WWOX: variants seen among roughly 807,000 people sequenced by gnomAD.
WWOX encodes WW domain containing oxidoreductase.
A neutral mutation model predicts 46.2 loss-of-function variants in WWOX; 69 were observed. The ratio of observed to expected loss-of-function variants is 1.49; its 90% confidence interval spans 1.23 to 1.82. The LOEUF is 1.82. Ranked by LOEUF, WWOX falls within the 40% of genes most tolerant of loss-of-function variation. The pLI, the probability that WWOX is intolerant of heterozygous loss-of-function variation, is 0.00. For synonymous variants in WWOX, 359 were observed against 202.6 expected (o/e 1.77, Z -6.56); for missense variants, 919 against 542.6 (o/e 1.69, Z -6.89).
chr16:78,439,715 G>C (rs973151674), intron 8 of WWOX, among the ~76,000 whole-genome samples: 1 of 152,234 alleles, frequency 6.6e-6, no homozygotes, highest in East Asian at 1.9e-4. Flanking sequence ...CCCACTTAAA[G>C]GTGGCTGAAA....
At chr16:78,677,126 C>G (rs2047620258) in intron 8 of WWOX, among the ~76,000 whole-genome samples, 2 of 151,812 alleles carry the variant, frequency 1.3e-5, no homozygotes, top group African/African-American at 4.8e-5. Context: ...TGCATCTACA[C>G]ATAAGGACAC....
chr16:79,140,082 T>A (rs570642175), intron 8 of WWOX, among the ~76,000 whole-genome samples: 6 of 152,352 alleles, frequency 3.9e-5, no homozygotes, highest in African/African-American at 1.4e-4. Flanking sequence ...AGTGCCCCCA[T>A]GGTCTCAATG....
intron 8 of WWOX, among the ~76,000 whole-genome samples, chr16:78,536,366 G>C (rs1039592295): frequency 6.6e-6 from 1 of 151,866 alleles, no homozygotes; most frequent in African/African-American, 2.4e-5. Context: ...TGAGAAAGAA[G>C]CTGCGAGCTG....
chr16:78,884,229 G>A (rs1458298150), intron 8 of WWOX, among the ~76,000 whole-genome samples: 1 of 140,798 alleles, frequency 7.1e-6, no homozygotes, highest in African/African-American at 2.7e-5. Context: ...GCTGTGATTA[G>A]GTCCCTGCAC....
chr16:78,384,222 A>G (rs2082014583), intron 5 of WWOX, among the ~76,000 whole-genome samples: 1 of 152,142 alleles, frequency 6.6e-6, no homozygotes, highest in Non-Finnish European at 1.5e-5. Flanking sequence ...AGCATAATGA[A>G]TGGCTGCCTT....
At chr16:78,738,629 C>T (rs183103327) in intron 8 of WWOX, among the ~76,000 whole-genome samples, 14 of 152,240 alleles carry the variant, frequency 9.2e-5, no homozygotes, top group Middle Eastern at 6.8e-3. Flanking sequence ...ATTTTTGTTA[C>T]GCTTGTGGTT....
At chr16:78,255,888 A>T (rs550879225) in intron 5 of WWOX, among the ~76,000 whole-genome samples, 1 of 152,294 alleles carries the variant, frequency 6.6e-6, no homozygotes, top group East Asian at 1.9e-4. Context: ...TCGCGCCTGT[A>T]ATCTCATAAT....
intron 5 of WWOX, among the ~76,000 whole-genome samples, chr16:78,362,149 G>T (rs9926218): frequency 0.22 from 32,868 of 151,538 alleles, 5,066 homozygotes; most frequent in African/African-American, 0.44. Context: ...GTGAGAACTT[G>T]ATTTTGAACA....
chr16:78,276,280 G>C (rs1968179038), intron 5 of WWOX, among the ~76,000 whole-genome samples: 1 of 152,190 alleles, frequency 6.6e-6, no homozygotes, highest in Non-Finnish European at 1.5e-5. Flanking sequence ...TTCCCTGTTT[G>C]TCAAATGGGG....
At chr16:78,571,954 G>A (rs1597286208) in intron 8 of WWOX, among the ~76,000 whole-genome samples, 1 of 152,196 alleles carries the variant, frequency 6.6e-6, no homozygotes, top group East Asian at 1.9e-4. Flanking sequence ...GTCATAACAA[G>A]CACTGGAAGG....
At chr16:78,620,253 G>A (rs568565696) in intron 8 of WWOX, among the ~76,000 whole-genome samples, 5 of 152,266 alleles carry the variant, frequency 3.3e-5, no homozygotes, top group South Asian at 4.1e-4. Context: ...CTGTTAGGAG[G>A]GCTGTTTGTT....
At chr16:78,866,915 T>A (rs1315797715) in intron 8 of WWOX, among the ~76,000 whole-genome samples, 2 of 152,190 alleles carry the variant, frequency 1.3e-5, no homozygotes, top group Non-Finnish European at 2.9e-5. Flanking sequence ...AACTCTTTCT[T>A]TGGTCTGAAG....
Position 79,049,349 on chromosome 16 carries a change from CAG to C in WWOX, c.1057-162258_1057-162257del, listed in dbSNP as rs551719546. 4.7e-3 allele frequency among the ~76,000 whole-genome samples: 721 copies of C among 152,304 alleles called. 1 individual carries two copies. Among genetic ancestry groups the C allele is most frequent in the South Asian group, 0.014 (68 of 4,828 alleles). On this transcript the variant is annotated intron_variant, in intron 8 of 8. Transcript: ENST00000566780. ...CCGCTCTTTCACACTGGGGCAAACA[CAG>C]GGGATTTATTCGGCACAATTGAGTA...
chr16:78,875,599 C>T (rs1268608677), intron 8 of WWOX, among the ~76,000 whole-genome samples: 1 of 152,140 alleles, frequency 6.6e-6, no homozygotes, highest in Non-Finnish European at 1.5e-5. Flanking sequence ...TCCCTTATCT[C>T]AAGGTGAGTA....
intron 5 of WWOX, among the ~76,000 whole-genome samples, chr16:78,262,097 C>CAAAAAAAAAA (rs752161345): frequency 3.4e-4 from 21 of 62,570 alleles, no homozygotes; most frequent in East Asian, 1.9e-3. Flanking sequence ...GAAACTCTGT[C>CAAAAAAAAAA]AAAAAAAAAA....
At chr16:78,769,811 A>T (rs2050019901) in intron 8 of WWOX, among the ~76,000 whole-genome samples, 1 of 151,420 alleles carries the variant, frequency 6.6e-6, no homozygotes, top group South Asian at 2.1e-4. Context: ...GTTCGAGATC[A>T]GTGTGGACAA....
chr16:79,049,597 G>C (rs911058718), intron 8 of WWOX, among the ~76,000 whole-genome samples: 11 of 152,144 alleles, frequency 7.2e-5, no homozygotes, highest in African/African-American at 2.7e-4. Flanking sequence ...CAGCACTTTG[G>C]GAGGCCGAGG....
intron 8 of WWOX, among the ~76,000 whole-genome samples, chr16:78,563,506 C>T (rs1456845424): frequency 7.1e-6 from 1 of 141,072 alleles, no homozygotes; most frequent in African/African-American, 2.8e-5. Context: ...CACACACACA[C>T]ACACACACAC....
intron 8 of WWOX, among the ~76,000 whole-genome samples, chr16:78,618,009 A>G (rs1482707663): frequency 1.3e-5 from 2 of 152,168 alleles, no homozygotes; most frequent in African/African-American, 4.8e-5. Flanking sequence ...TTTATTGAGC[A>G]CCTGCTATGA....
Sources: allele counts gnomAD v4.1 joint callset (sites outside exome capture counted in the v4.1 genomes callset), GRCh38; gene constraint gnomAD v4.1.1; transcripts MANE v1.5; gene names NCBI Gene and HGNC (gene_info 2026-07-23, HGNC 2026-07-21).